Variants in PUM1 observed in about 807,000 individuals in gnomAD.
PUM1 encodes the protein pumilio homolog 1.
A neutral mutation model predicts 131.8 loss-of-function variants in PUM1; 13 were observed. That is an observed-to-expected ratio of 0.10 (90% CI 0.06 to 0.16). The LOEUF is 0.16. PUM1 is among the 10% of genes least tolerant of loss of function. The probability of loss-of-function intolerance (pLI) is 1.00; values close to 1 mark genes in which losing one functional copy is unlikely to be tolerated. For synonymous variants in PUM1, 509 were observed against 556.5 expected, an observed-to-expected ratio of 0.91 and a Z score of 1.20; for missense variants, 961 against 1,512.4, an observed-to-expected ratio of 0.64 and a Z score of 6.05.
At chr1:30,977,268 G>A (rs1641174569) in intron 9 of PUM1, among the ~76,000 whole-genome samples, 1 of 152,186 alleles carries the variant, frequency 6.6e-6, no homozygotes, top group East Asian at 1.9e-4. Flanking sequence ...CACTTATGGT[G>A]TCATGTTACT....
chr1:30,964,034 T>A (rs960064826), intron 14 of PUM1, among the ~76,000 whole-genome samples: 1 of 152,188 alleles, frequency 6.6e-6, no homozygotes, highest in African/African-American at 2.4e-5. Context: ...TTCATTCTTA[T>A]AGCCTGCTGC....
intron 2 of PUM1, among the ~76,000 whole-genome samples, chr1:31,049,823 C>CTTTTTTTTTTTTTTT: frequency 1.3e-5 from 1 of 79,970 alleles, no homozygotes; most frequent in Non-Finnish European, 2.2e-5. Flanking sequence ...ACTGAACTTC[C>CTTTTTTTTTTTTTTT]TTTTTTTTTT....
intron 3 of PUM1, among the ~76,000 whole-genome samples, chr1:31,009,077 G>C (rs1248876637): frequency 6.6e-6 from 1 of 151,554 alleles, no homozygotes; most frequent in African/African-American, 2.4e-5. Context: ...CAGCTCCTCA[G>C]GAGGCTGCGG....
At position 30,950,298 on chromosome 1, in the gene PUM1, T is replaced by C. The variant is rs1439545536; in HGVS notation, c.2722-37A>G. 3.1e-6 allele frequency: 5 copies of C among 1,591,344 alleles called. No homozygotes were observed. The South Asian group carries it at 3.4e-5, about 11-fold the overall frequency. On this transcript the variant is annotated intron_variant, in intron 16 of 21. Transcript: ENST00000426105. ...GTGTGGGTAAACACCATTACTTAAG[T>C]AGAAGGAAATAAACCAGAGAAAGCA...
intron 2 of PUM1, among the ~76,000 whole-genome samples, chr1:31,051,776 T>C (rs1644115701): frequency 6.6e-6 from 1 of 152,172 alleles, no homozygotes; most frequent in Admixed American, 6.6e-5. Flanking sequence ...TCTACCTCTG[T>C]CCCTCATAAT....
intron 2 of PUM1, among the ~76,000 whole-genome samples, chr1:31,030,746 T>A (rs1373024726): frequency 6.6e-6 from 1 of 151,936 alleles, no homozygotes; most frequent in Non-Finnish European, 1.5e-5. Context: ...GCTGCCTAGC[T>A]GCCTATACAT....
chr1:30,975,360 T>G (rs12117717), intron 9 of PUM1, among the ~76,000 whole-genome samples: 57,046 of 150,556 alleles, frequency 0.38, 11,138 homozygotes, highest in Admixed American at 0.45. Context: ...TTTTTTGTTT[T>G]TTTGTTTTTT....
chr1:30,994,122 T>C (rs1641901244), intron 6 of PUM1, among the ~76,000 whole-genome samples: 1 of 152,060 alleles, frequency 6.6e-6, no homozygotes, highest in Non-Finnish European at 1.5e-5. Flanking sequence ...CTGTAATTAT[T>C]TACACATGCA....
At chr1:30,939,869 T>C (rs1019834662) in intron 20 of PUM1, among the ~76,000 whole-genome samples, 1 of 152,130 alleles carries the variant, frequency 6.6e-6, no homozygotes, top group Non-Finnish European at 1.5e-5. Context: ...AATAAAAACT[T>C]CTTTTTTTTT....
intron 5 of PUM1, among the ~76,000 whole-genome samples, chr1:30,997,183 A>G (rs539637414): frequency 1.3e-5 from 2 of 152,288 alleles, no homozygotes; most frequent in South Asian, 2.1e-4. Context: ...TTCAGCTCCA[A>G]TTTCTCAAAA....
At chr1:31,020,122 T>A (rs1642968586) in intron 3 of PUM1, among the ~76,000 whole-genome samples, 1 of 152,204 alleles carries the variant, frequency 6.6e-6, no homozygotes, top group African/African-American at 2.4e-5. Flanking sequence ...TGTCTATGTG[T>A]ACCCAATGTT....
At chr1:30,941,850 G>A (rs1639448437) in intron 19 of PUM1, 148 bp downstream of exon 19, 4 of 907,988 alleles carry the variant, frequency 4.4e-6, no homozygotes, top group Non-Finnish European at 6.7e-6. Context: ...CACAAACCAA[G>A]CTGCTCTGAA....
rs185550185 is a variant in PUM1, at chr1:31,002,118, G to T, written c.720+3735C>A. ...GAGTTTTGATTATTCTCATTTTGCA[G>T]ATGAATTAAGGTCCATTTGAAACTC... On this transcript the variant is annotated intron_variant, in intron 5 of 21. Coordinates refer to ENST00000426105, the MANE Select transcript of PUM1 (RefSeq NM_001020658.2). Among the ~76,000 whole-genome samples the T allele has an allele frequency of 2.0e-5, 3 of 152,290 alleles. No individual in the cohort carries two copies. The East Asian group carries it at 5.8e-4, about 29-fold the overall frequency.
intron 17 of PUM1, 91 bp downstream of exon 17, chr1:30,950,036 G>T: frequency 7.0e-7 from 1 of 1,434,296 alleles, no homozygotes; most frequent in Non-Finnish European, 9.4e-7. Flanking sequence ...AACCATAAAA[G>T]AAAACTGAAA....
intron 9 of PUM1, among the ~76,000 whole-genome samples, chr1:30,979,152 G>A (rs1437412725): frequency 2.6e-5 from 4 of 151,332 alleles, no homozygotes; most frequent in Non-Finnish European, 5.9e-5. Context: ...AAAAAAAGAG[G>A]GGAAAAAACT....
intron 3 of PUM1, among the ~76,000 whole-genome samples, chr1:31,025,768 C>G (rs1284815023): frequency 6.6e-6 from 1 of 151,958 alleles, no homozygotes; most frequent in Admixed American, 6.6e-5. Context: ...GTTGACCAGG[C>G]TGGTCTCAAA....
At chr1:31,016,449 A>T (rs923429735) in intron 3 of PUM1, among the ~76,000 whole-genome samples, 1 of 152,220 alleles carries the variant, frequency 6.6e-6, no homozygotes, top group African/African-American at 2.4e-5. Context: ...TGAAGGAATA[A>T]GATCTTCCAA....
Position 30,936,805 on chromosome 1 carries a change from G to A in PUM1, c.3273C>T (p.Ala1091=), listed in dbSNP as rs1475892594. 19 of 1,613,154 alleles carry A rather than the reference G, an allele frequency of 1.2e-5. No homozygotes were observed. The highest frequency in any genetic ancestry group is 1.5e-5 in the Non-Finnish European group (18 of 1,179,380). ...TGAGCACAGCGCGCTCCGTACGTGA[G>A]GCGTGAGTAACACACTTCTCCACAA... is the stretch of plus-strand genomic sequence containing the variant. ...SNVVEKCVTH[A]SRTERAVLID... Residue 1091 remains alanine (A), a synonymous_variant, in exon 21 of 22, where the codon GCC becomes GCT. Coordinates refer to ENST00000426105, the MANE Select transcript of PUM1 (RefSeq NM_001020658.2).
chr1:30,990,910 A>G (rs1319678473), intron 7 of PUM1, among the ~76,000 whole-genome samples: 12 of 152,236 alleles, frequency 7.9e-5, no homozygotes, highest in Non-Finnish European at 1.8e-4. Flanking sequence ...AGTGGTAGCT[A>G]TGATGTAATC....
Sources: gnomAD v4.1 joint callset for allele counts (sites outside exome capture counted in the v4.1 genomes callset) on GRCh38, gnomAD v4.1.1 for gene constraint, MANE v1.5 for transcripts, NCBI Gene and HGNC (gene_info 2026-07-23, HGNC 2026-07-21) for gene names.